Variants in C2CD5 observed in about 807,000 individuals in gnomAD.
C2CD5 encodes C2 calcium dependent domain containing 5.
C2CD5 carries 109 observed loss-of-function variants against 130.3 expected under a neutral mutation model. The observed-to-expected ratio is 0.84, with a 90% CI of 0.72 to 0.98. C2CD5 has a LOEUF of 0.98. Ranked by LOEUF, C2CD5 falls within the 50% of genes least tolerant of loss-of-function variation. The probability of loss-of-function intolerance (pLI) is 0.00; values close to 1 mark genes in which losing one functional copy is unlikely to be tolerated. For synonymous variants in C2CD5, 454 were observed against 429.2 expected, an observed-to-expected ratio of 1.06 and a Z score of -0.71; for missense variants, 996 against 1,261.8, an observed-to-expected ratio of 0.79 and a Z score of 3.19.
At position 22,487,528 on chromosome 12, in the gene C2CD5, T is replaced by C. The variant is rs563002482; in HGVS notation, c.1358+2595A>G. Among the ~76,000 whole-genome samples the C allele has an allele frequency of 9.9e-3, 1,513 of 152,168 alleles. 26 individuals are homozygous for C. Among genetic ancestry groups the C allele is most frequent in the African/African-American group, 0.035 (1,432 of 41,504 alleles). ...TACCATACCACACCAGTTAGAATGG[T>C]GATCATTAAAAAGTCAGGAAACAAC... On this transcript the variant is annotated intron_variant, in intron 12 of 26. Transcript: ENST00000446597.
At chr12:22,524,449 A>G (rs957017011) in intron 6 of C2CD5, 23 bp downstream of exon 6, 20 of 1,607,508 alleles carry the variant, frequency 1.2e-5, no homozygotes, top group Non-Finnish European at 1.7e-5. Flanking sequence ...TCAGTCAGTA[A>G]TAAAGTTATT....
Position 22,471,416 on chromosome 12 carries a change from C to G in C2CD5, c.2341G>C (p.Glu781Gln). Reference sequence around the variant, plus strand: ...TTAATTACCTGAATTAATTCATCTTCAGGCAGAGATACTGTAAAATTTACA... The same window carrying G: ...TTAATTACCTGAATTAATTCATCTTGAGGCAGAGATACTGTAAAATTTACA... ...CHVNFTVSLP[E>Q]DELIQVTVTA... Residue 781 changes from glutamate to glutamine, a missense_variant, in exon 20 of 27, where the codon GAA (glutamate) becomes CAA (glutamine). Transcript: ENST00000446597. 6.4e-7 allele frequency: 1 copy of G among 1,562,418 alleles called. No individual in the cohort carries two copies. Among genetic ancestry groups the G allele is most frequent in the Non-Finnish European group, 8.8e-7 (1 of 1,135,118 alleles).
chr12:22,502,190 G>C (rs925745105), intron 10 of C2CD5, among the ~76,000 whole-genome samples: 2 of 152,042 alleles, frequency 1.3e-5, no homozygotes, highest in African/African-American at 2.4e-5. Context: ...GAAAGGGAAG[G>C]AGGAAAGTTT....
In C2CD5 at chr12:22,458,261, C is replaced by T. The variant is rs970962701; in HGVS notation, c.2686+223G>A. 8.6e-5 allele frequency among the ~76,000 whole-genome samples: 13 copies of T among 152,004 alleles called. No homozygotes were observed. The East Asian group carries it at 9.6e-4, about 11-fold the overall frequency. ...TTATATACTTTTAAGAATACCTGCA[C>T]AAAAAGGAAAATTTTAAAAACACAA... On this transcript the variant is annotated intron_variant, in intron 24 of 26. Coordinates refer to ENST00000446597, the MANE Select transcript of C2CD5 (RefSeq NM_001286176.2).
intron 11 of C2CD5, among the ~76,000 whole-genome samples, chr12:22,491,584 A>G (rs753822826): frequency 9.2e-5 from 14 of 152,014 alleles, no homozygotes; most frequent in South Asian, 4.1e-4. Context: ...TTCTAAAACC[A>G]TATCTCTGGC....
intron 14 of C2CD5, among the ~76,000 whole-genome samples, chr12:22,481,795 T>A (rs11612849): frequency 2.1e-5 from 3 of 144,556 alleles, no homozygotes; most frequent in Admixed American, 7.0e-5. Context: ...GCACACCTGG[T>A]GTATTTTTTT....
At chr12:22,514,737 C>T in intron 8 of C2CD5, among the ~76,000 whole-genome samples, 1 of 151,986 alleles carries the variant, frequency 6.6e-6, no homozygotes, top group Admixed American at 6.6e-5. Context: ...TAGAAATACC[C>T]AGATCTATGT....
rs556478977 is a variant in C2CD5 at position 22,517,922 on chromosome 12, C to T, written c.952+64G>A. On this transcript the variant is annotated intron_variant, in intron 8 of 26. Coordinates refer to ENST00000446597, the MANE Select transcript of C2CD5 (RefSeq NM_001286176.2). The stretch of plus-strand genomic sequence containing the variant: ...CAAGAGGAAAGATTTGGATGGAAAG[C>T]TAATAAGAAATAGAAACAAATTTTT... 4.5e-6 allele frequency: 6 copies of T among 1,347,116 alleles called. No individual in the cohort carries two copies. In the South Asian group the frequency reaches 5.5e-5, roughly 12 times the overall value. 83.4% of individuals were successfully genotyped at this position (1,347,116 alleles called of 1,614,324 possible).
At chr12:22,528,200 T>C (rs1045892559) in intron 3 of C2CD5, among the ~76,000 whole-genome samples, 11 of 152,180 alleles carry the variant, frequency 7.2e-5, no homozygotes, top group African/African-American at 1.9e-4. Flanking sequence ...CTATGATACA[T>C]AGCAAAAATG....
At chr12:22,472,688 G>T in intron 17 of C2CD5, 56 bp downstream of exon 17, 1 of 963,164 alleles carries the variant, frequency 1.0e-6, no homozygotes, top group Non-Finnish European at 1.7e-6. Flanking sequence ...ACAATTATGA[G>T]CTAAAACATT....
chr12:22,470,345 GT>G (rs1942824340), intron 21 of C2CD5, among the ~76,000 whole-genome samples: 1 of 152,064 alleles, frequency 6.6e-6, no homozygotes, highest in African/African-American at 2.4e-5. Context: ...AGAACACACA[GT>G]TTCCAATAAT....
At chr12:22,492,917 A>T (rs1385189093) in intron 11 of C2CD5, among the ~76,000 whole-genome samples, 1 of 152,192 alleles carries the variant, frequency 6.6e-6, no homozygotes, top group Non-Finnish European at 1.5e-5. Context: ...GGAAGCCTAG[A>T]GTTAATATTT....
intron 9 of C2CD5, among the ~76,000 whole-genome samples, chr12:22,511,463 ACT>A (rs956421456): frequency 2.0e-5 from 3 of 152,202 alleles, no homozygotes; most frequent in African/African-American, 4.8e-5. Context: ...GTAGAGAAGT[ACT>A]CTCATAAACT....
rs749300904 is a variant in C2CD5, at chr12:22,453,880, T to C, written c.3024+16A>G. On this transcript the variant is annotated intron_variant, in intron 26 of 26. Transcript: ENST00000446597. ...CTCAGGTTCCCGCCAATCAGGAATT[T>C]TTAACTGCATCTTACCTGGTTTTTA... is the stretch of plus-strand genomic sequence containing the variant. The C allele has an allele frequency of 7.5e-6, 12 of 1,607,410 alleles. No homozygotes were observed. The Admixed American group carries it at 2.0e-4, about 27-fold the overall frequency.
intron 4 of C2CD5, among the ~76,000 whole-genome samples, chr12:22,527,342 T>C: frequency 6.8e-6 from 1 of 147,382 alleles, no homozygotes; most frequent in Non-Finnish European, 1.5e-5. Flanking sequence ...TTTTTTTTTT[T>C]TTTTTTGAGC....
chr12:22,532,213 C>A (rs1290561994), intron 3 of C2CD5, among the ~76,000 whole-genome samples: 1 of 151,844 alleles, frequency 6.6e-6, no homozygotes, highest in East Asian at 1.9e-4. Context: ...GACTGTACTC[C>A]CAGCTACTCA....
chr12:22,518,412 A>C (rs1949967407), intron 7 of C2CD5, among the ~76,000 whole-genome samples: 1 of 152,228 alleles, frequency 6.6e-6, no homozygotes, highest in Admixed American at 6.5e-5. Flanking sequence ...TCAAAAGGAG[A>C]AATAAAAAGA....
intron 26 of C2CD5, 84 bp from the exon 27 acceptor site, chr12:22,449,975 C>G (rs1484980951): frequency 7.7e-6 from 8 of 1,040,772 alleles, no homozygotes; most frequent in African/African-American, 1.6e-5. Flanking sequence ...TGCTGTACAG[C>G]CAAAAAACAC....
intron 8 of C2CD5, among the ~76,000 whole-genome samples, chr12:22,516,659 A>G (rs1010829140): frequency 4.0e-5 from 6 of 151,176 alleles, no homozygotes; most frequent in African/African-American, 1.4e-4. Context: ...AATAATAATA[A>G]TAACAATAAA....
Sources: gnomAD v4.1 joint callset for allele counts (sites outside exome capture counted in the v4.1 genomes callset) on GRCh38, gnomAD v4.1.1 for gene constraint, MANE v1.5 for transcripts, NCBI Gene and HGNC (gene_info 2026-07-23, HGNC 2026-07-21) for gene names.